Variants in NPAS3 observed in about 807,000 individuals in gnomAD.
NPAS3 encodes neuronal PAS domain-containing protein 3.
NPAS3 carries 14 observed loss-of-function variants against 73.1 expected under a neutral mutation model. The observed-to-expected ratio is 0.19, with a 90% CI of 0.13 to 0.30. The LOEUF is 0.30. Among genes scored for constraint, NPAS3 ranks in the 10% least tolerant of loss-of-function variants. The probability of loss-of-function intolerance (pLI) is 1.00; values close to 1 mark genes in which losing one functional copy is unlikely to be tolerated. For synonymous variants in NPAS3, 620 were observed against 541.5 expected (o/e 1.14, Z -2.01); for missense variants, 1,096 against 1,250.0 (o/e 0.88, Z 1.86).
intron 1 of NPAS3, among the ~76,000 whole-genome samples, chr14:32,981,172 C>G (rs2037881553): frequency 6.6e-6 from 1 of 152,176 alleles, no homozygotes; most frequent in South Asian, 2.1e-4. Context: ...ATCAGAAAGT[C>G]ATTATCCCTC....
chr14:33,747,097 CA>C (rs1214729578), intron 7 of NPAS3, among the ~76,000 whole-genome samples: 1 of 151,924 alleles, frequency 6.6e-6, no homozygotes, highest in Non-Finnish European at 1.5e-5. Flanking sequence ...GGTATATACC[CA>C]AATGACTATA....
intron 3 of NPAS3, among the ~76,000 whole-genome samples, chr14:33,284,339 T>A (rs1019899704): frequency 2.0e-5 from 3 of 150,980 alleles, no homozygotes; most frequent in Non-Finnish European, 2.9e-5. Flanking sequence ...TTTTTTTTTT[T>A]AAAGATTCTT....
chr14:33,223,079 G>A (rs1031577718), intron 3 of NPAS3, among the ~76,000 whole-genome samples: 1 of 152,088 alleles, frequency 6.6e-6, no homozygotes, highest in Non-Finnish European at 1.5e-5. Context: ...GGAGGCTGAA[G>A]CAGGTGGATC....
intron 11 of NPAS3, 116 bp downstream of exon 11, chr14:33,797,697 A>G (rs1236518994): frequency 6.2e-6 from 6 of 973,346 alleles, no homozygotes; most frequent in Non-Finnish European, 9.4e-6. Context: ...TTTCAGAGAG[A>G]CATATGTCAC....
At chr14:33,679,471 TCTTAATAA>T (rs1205794891) in intron 6 of NPAS3, among the ~76,000 whole-genome samples, 1 of 151,594 alleles carries the variant, frequency 6.6e-6, no homozygotes, top group Non-Finnish European at 1.5e-5. Context: ...ATTTCCTAAT[TCTTAATAA>T]CTAACATGAA....
At chr14:33,680,759 G>C (rs2059913104) in intron 6 of NPAS3, 4 of 645,724 alleles carry the variant, frequency 6.2e-6, no homozygotes, top group Non-Finnish European at 1.1e-5. Flanking sequence ...AATCAATACT[G>C]TACCAGGATT....
intron 1 of NPAS3, among the ~76,000 whole-genome samples, chr14:33,023,366 T>G (rs1450579947): frequency 6.6e-6 from 1 of 151,970 alleles, no homozygotes; most frequent in Non-Finnish European, 1.5e-5. Flanking sequence ...ACTTTTGGAA[T>G]GAATATTTTT....
intron 3 of NPAS3, among the ~76,000 whole-genome samples, chr14:33,366,214 G>A (rs2140414376): frequency 6.6e-6 from 1 of 151,864 alleles, no homozygotes; most frequent in African/African-American, 2.4e-5. Context: ...TGTGATTCTG[G>A]GGGCTTCTTG....
chr14:33,755,188 A>AC, intron 7 of NPAS3, among the ~76,000 whole-genome samples: 1 of 152,344 alleles, frequency 6.6e-6, no homozygotes, highest in Non-Finnish European at 1.5e-5. Context: ...GTAAGATAAT[A>AC]TGAGTGAAAA....
intron 3 of NPAS3, among the ~76,000 whole-genome samples, chr14:33,352,251 CTG>C (rs1355797523): frequency 2.0e-5 from 3 of 152,178 alleles, no homozygotes; most frequent in Non-Finnish European, 4.4e-5. Context: ...CCATATTTCT[CTG>C]AGACTTTTCT....
intron 5 of NPAS3, among the ~76,000 whole-genome samples, chr14:33,580,904 C>T (rs1449489577): frequency 6.6e-6 from 1 of 152,148 alleles, no homozygotes; most frequent in African/African-American, 2.4e-5. Flanking sequence ...CCCACCAGCC[C>T]CGCCAAACAT....
In NPAS3 at chr14:33,401,032, CAA is replaced by C. The variant is rs571478476; in HGVS notation, c.468+33766_468+33767del. ...CATACATATTAGATATTGCAGAATG[CAA>C]AGTTATAACAGTTCTTTTGTAGTTT... On this transcript the variant is annotated intron_variant, in intron 4 of 11. Coordinates refer to ENST00000356141, the Ensembl canonical transcript of NPAS3. Among the ~76,000 whole-genome samples the C allele has an allele frequency of 5.8e-3, 880 of 152,112 alleles. 3 individuals are homozygous for C. The highest frequency in any genetic ancestry group is 0.02 in the African/African-American group (837 of 41,488).
intron 7 of NPAS3, among the ~76,000 whole-genome samples, chr14:33,744,527 CCTGT>C (rs2061737748): frequency 6.6e-6 from 1 of 152,116 alleles, no homozygotes; most frequent in South Asian, 2.1e-4. Context: ...GTGGCTCACA[CCTGT>C]AATCCCGGCA....
chr14:33,567,330 A>G (rs901509093), intron 5 of NPAS3, among the ~76,000 whole-genome samples: 1 of 152,230 alleles, frequency 6.6e-6, no homozygotes, highest in African/African-American at 2.4e-5. Context: ...GTCTCATGCG[A>G]CAAAAACCCA....
chr14:33,744,938 T>A (rs895195708), intron 7 of NPAS3, among the ~76,000 whole-genome samples: 3 of 151,864 alleles, frequency 2.0e-5, no homozygotes, highest in African/African-American at 7.3e-5. Flanking sequence ...AATCTTCAAT[T>A]TGTATAAAGC....
At position 33,065,545 on chromosome 14, in the gene NPAS3, A is replaced by G. The variant is rs1355518003; in HGVS notation, c.140+9551A>G. Among the ~76,000 whole-genome samples the G allele has an allele frequency of 2.0e-5, 3 of 152,060 alleles. No homozygotes were observed. The East Asian group carries it at 5.8e-4, about 29-fold the overall frequency. On this transcript the variant is annotated intron_variant, in intron 2 of 11. Transcript: ENST00000356141. ...GGAAGCATTGTTGGGTTATTTTTTCATTGGCAAATTTGAGACGTTGTGATT... is the reference window on the plus strand; with the variant it reads ...GGAAGCATTGTTGGGTTATTTTTTCGTTGGCAAATTTGAGACGTTGTGATT...
chr14:33,199,280 A>T (rs1385934110), intron 2 of NPAS3, among the ~76,000 whole-genome samples: 1 of 152,202 alleles, frequency 6.6e-6, no homozygotes, highest in East Asian at 1.9e-4. Context: ...GGCCTCCAGC[A>T]CGTTGTCACC....
chr14:33,329,077 C>G (rs2043856573), intron 3 of NPAS3, among the ~76,000 whole-genome samples: 2 of 152,120 alleles, frequency 1.3e-5, no homozygotes, highest in Admixed American at 6.5e-5. Context: ...GTAAATGTTA[C>G]CATCAAAACT....
chr14:33,666,981 G>C (rs542874549), intron 5 of NPAS3, among the ~76,000 whole-genome samples: 2 of 152,262 alleles, frequency 1.3e-5, no homozygotes, highest in South Asian at 4.1e-4. Context: ...AAACCCACAT[G>C]AGTAATTTTA....
Sources: gnomAD v4.1 joint callset for allele counts (sites outside exome capture counted in the v4.1 genomes callset) on GRCh38, gnomAD v4.1.1 for gene constraint, MANE v1.5 for transcripts, NCBI Gene and HGNC (gene_info 2026-07-23, HGNC 2026-07-21) for gene names.